Variants in CREB3L2 observed in about 807,000 individuals in gnomAD.
CREB3L2 encodes cAMP responsive element binding protein 3 like 2, also known as cyclic AMP-responsive element-binding protein 3-like protein 2.
In CREB3L2, 23 loss-of-function variants were observed where a neutral mutation model predicts 57.2. The observed-to-expected ratio is 0.40, with a 90% CI of 0.29 to 0.57. The LOEUF (loss-of-function observed/expected upper bound fraction) is 0.57, where lower values mean the gene tolerates loss of function less well. Among genes scored for constraint, CREB3L2 ranks in the 20% least tolerant of loss-of-function variants. CREB3L2 has a pLI of 0.42. For missense variants in CREB3L2, 628 were observed against 634.7 expected, an observed-to-expected ratio of 0.99 and a Z score of 0.11; for synonymous variants, 268 against 265.1, an observed-to-expected ratio of 1.01 and a Z score of -0.11.
intron 2 of CREB3L2, among the ~76,000 whole-genome samples, chr7:137,922,412 A>ACG (rs1563253257): frequency 1.7e-4 from 5 of 29,464 alleles, no homozygotes; most frequent in Admixed American, 5.4e-4. Flanking sequence ...ATATATATAT[A>ACG]TATGTATATA....
intron 1 of CREB3L2, among the ~76,000 whole-genome samples, chr7:137,971,188 C>A (rs1178398791): frequency 1.3e-5 from 2 of 151,976 alleles, no homozygotes; most frequent in Non-Finnish European, 2.9e-5. Flanking sequence ...TGGTGGCTCA[C>A]GCCTGTAATC....
chr7:137,937,765 T>C (rs933975334), intron 1 of CREB3L2, among the ~76,000 whole-genome samples: 6 of 151,860 alleles, frequency 4.0e-5, no homozygotes, highest in African/African-American at 4.8e-5. Context: ...AAGTGATATT[T>C]GCTTTACTGA....
intron 1 of CREB3L2, among the ~76,000 whole-genome samples, chr7:137,935,657 T>C (rs181630461): frequency 2.0e-5 from 3 of 152,316 alleles, no homozygotes; most frequent in Admixed American, 6.5e-5. Context: ...AGATCGTAGA[T>C]AGTTGCTGCA....
intron 8 of CREB3L2, among the ~76,000 whole-genome samples, chr7:137,887,490 C>T (rs144126996): frequency 0.021 from 3,243 of 152,206 alleles, 112 homozygotes; most frequent in African/African-American, 0.075. Flanking sequence ...GGCCAGATCA[C>T]GAGGTCAGGA....
At position 137,886,855 on chromosome 7, in the gene CREB3L2, T is replaced by C. The variant is rs146534453; in HGVS notation, c.1044-1353A>G. Among the ~76,000 whole-genome samples the C allele has an allele frequency of 7.9e-3, 1,198 of 152,216 alleles. 8 individuals are homozygous for C. Among genetic ancestry groups the C allele is most frequent in the Non-Finnish European group, 0.013 (870 of 68,000 alleles). ...TGACATCAGCACACAGAGCAGATGG[T>C]AAAATTCTTTGCAAATTCTGAACAC... On this transcript the variant is annotated intron_variant, in intron 8 of 11. Transcript: ENST00000330387.
At chr7:137,944,600 A>C (rs1319317054) in intron 1 of CREB3L2, among the ~76,000 whole-genome samples, 3 of 152,224 alleles carry the variant, frequency 2.0e-5, no homozygotes, top group Non-Finnish European at 4.4e-5. Flanking sequence ...GTGATCCATC[A>C]ATCTGTGAAA....
chr7:137,878,065 A>G lies in CREB3L2; in HGVS notation c.*2411T>C. 4.3e-6 allele frequency: 1 copy of G among 229,970 alleles called. No homozygotes were observed. The highest frequency in any genetic ancestry group is 8.6e-6 in the Non-Finnish European group (1 of 116,138). 14.2% of individuals were successfully genotyped at this position (229,970 alleles called of 1,614,324 possible). The stretch of plus-strand genomic sequence containing the variant: ...CTCTCTGCCTAACGTCCCATTGTCT[A>G]CATAGATTCCGTTTTGGAAGGATGG... On this transcript the variant is annotated 3_prime_UTR_variant, in exon 12 of 12. Transcript: ENST00000330387.
rs993659678 is a variant in CREB3L2, at chr7:137,877,122, T to G, written c.*3354A>C. The G allele has an allele frequency of 4.4e-6, 1 of 228,858 alleles. No homozygotes were observed. The highest frequency in any genetic ancestry group is 2.2e-5 in the African/African-American group (1 of 45,020). The allele number at this position is 228,858 out of a possible 1,614,324, so 14.2% of individuals were successfully genotyped here. On this transcript the variant is annotated 3_prime_UTR_variant, in exon 12 of 12. Transcript: ENST00000330387. Reference sequence around the variant, plus strand: ...ACTGCCAGAACAAAGAAGAGCCAATTCAACATCCCAACTTTACGGGCACGT... The same window carrying G: ...ACTGCCAGAACAAAGAAGAGCCAATGCAACATCCCAACTTTACGGGCACGT...
At chr7:137,949,587 T>C (rs1039174694) in intron 1 of CREB3L2, among the ~76,000 whole-genome samples, 4 of 152,210 alleles carry the variant, frequency 2.6e-5, no homozygotes, top group Non-Finnish European at 5.9e-5. Flanking sequence ...GACCTGGGTA[T>C]GTTATATTCA....
intron 2 of CREB3L2, among the ~76,000 whole-genome samples, chr7:137,918,628 G>A (rs1484723940): frequency 1.3e-5 from 2 of 152,094 alleles, no homozygotes; most frequent in East Asian, 3.8e-4. Flanking sequence ...CTGAGAAAAA[G>A]GTCGCACACA....
intron 1 of CREB3L2, among the ~76,000 whole-genome samples, chr7:137,938,635 C>T (rs546640122): frequency 6.6e-6 from 1 of 152,172 alleles, no homozygotes; most frequent in Admixed American, 6.5e-5. Flanking sequence ...TGAGCCACTG[C>T]CCCTGGCCAG....
chr7:137,952,434 A>T (rs1187035881), intron 1 of CREB3L2, among the ~76,000 whole-genome samples: 3 of 152,180 alleles, frequency 2.0e-5, no homozygotes, highest in Non-Finnish European at 4.4e-5. Flanking sequence ...CTTTCAACTC[A>T]AATGTCACCT....
intron 1 of CREB3L2, among the ~76,000 whole-genome samples, chr7:137,988,712 A>G (rs1801831665): frequency 6.6e-6 from 1 of 152,248 alleles, no homozygotes; most frequent in African/African-American, 2.4e-5. Context: ...TGACACAGTC[A>G]CAAAACAGAC....
At chr7:137,967,897 G>C (rs1801434777) in intron 1 of CREB3L2, among the ~76,000 whole-genome samples, 1 of 152,198 alleles carries the variant, frequency 6.6e-6, no homozygotes, top group East Asian at 1.9e-4. Flanking sequence ...AACAGCCACT[G>C]TTGACTGAGC....
At chr7:137,901,290 C>A in intron 8 of CREB3L2, 64 bp downstream of exon 8, 2 of 1,076,718 alleles carry the variant, frequency 1.9e-6, no homozygotes, top group Non-Finnish European at 2.9e-6. Flanking sequence ...GTTCTGGATT[C>A]TATCCTCTTC....
chr7:137,940,081 T>C (rs2004435542), intron 1 of CREB3L2, among the ~76,000 whole-genome samples: 1 of 152,206 alleles, frequency 6.6e-6, no homozygotes, highest in African/African-American at 2.4e-5. Flanking sequence ...TTTCAACCCT[T>C]TTACATGCTC....
intron 2 of CREB3L2, among the ~76,000 whole-genome samples, chr7:137,918,997 A>G (rs1158677498): frequency 1.3e-5 from 2 of 152,154 alleles, no homozygotes; most frequent in East Asian, 3.9e-4. Flanking sequence ...TCTCAAGGAC[A>G]ACTGTACATT....
At chr7:137,888,151 C>T (rs1262672738) in intron 8 of CREB3L2, among the ~76,000 whole-genome samples, 1 of 152,074 alleles carries the variant, frequency 6.6e-6, no homozygotes, top group African/African-American at 2.4e-5. Flanking sequence ...TTTGTAGAGA[C>T]AGCATCTCTC....
intron 8 of CREB3L2, among the ~76,000 whole-genome samples, chr7:137,886,725 G>GAAAA (rs112746477): frequency 0.11 from 15,900 of 143,248 alleles, 2,905 homozygotes; most frequent in African/African-American, 0.38. Context: ...AGCAAGAGCA[G>GAAAA]AAAAAAAAAA....
Sources: allele counts gnomAD v4.1 joint callset (sites outside exome capture counted in the v4.1 genomes callset), GRCh38; gene constraint gnomAD v4.1.1; transcripts MANE v1.5; gene names NCBI Gene and HGNC (gene_info 2026-07-23, HGNC 2026-07-21).